UBIAD1: variants seen among roughly 807,000 people sequenced by gnomAD.
UBIAD1 encodes ubiA prenyltransferase domain-containing protein 1.
A neutral mutation model predicts 20.1 loss-of-function variants in UBIAD1; 12 were observed. That is an observed-to-expected ratio of 0.60 (90% CI 0.38 to 0.97). The LOEUF (loss-of-function observed/expected upper bound fraction) is 0.97, where lower values mean the gene tolerates loss of function less well. Ranked by LOEUF, UBIAD1 falls within the 50% of genes least tolerant of loss-of-function variation. The probability of loss-of-function intolerance (pLI) is 0.00; values close to 1 mark genes in which losing one functional copy is unlikely to be tolerated. For missense variants in UBIAD1, 333 were observed against 419.5 expected (o/e 0.79, Z 1.80); for synonymous variants, 207 against 189.2 (o/e 1.09, Z -0.77).
At position 11,285,860 on chromosome 1, in the gene UBIAD1, C is replaced by T; in HGVS notation, c.746C>T (p.Ala249Val). 1 of 1,614,198 alleles carries T rather than the reference C, an allele frequency of 6.2e-7. No homozygotes were observed. The highest frequency in any genetic ancestry group is 8.5e-7 in the Non-Finnish European group (1 of 1,180,040). The change falls in exon 2 of 2, where the codon GCC becomes GTC. Residue 249 changes from alanine to valine, a missense_variant. Ala to Val is a moderately conservative substitution (Grantham distance 64). This residue lies in a region of UBIAD1 where 226 missense variants were observed against 263.5 expected (regional missense o/e 0.86). Coordinates refer to ENST00000376810, the MANE Select transcript of UBIAD1 (RefSeq NM_013319.3). This position sits in a 1 kb window ranked among gnomAD's most constrained non-coding sequence, Gnocchi z 4.4. Reference sequence around the variant, plus strand: ...CGGGAGGCTGGTATCGTCACGCTGGCCATCCTCATCGGCCCCACGTTCTCC... The same window carrying T: ...CGGGAGGCTGGTATCGTCACGCTGGTCATCCTCATCGGCCCCACGTTCTCC... Reference protein sequence around the residue: ...SDREAGIVTLAILIGPTFSYI... With the variant: ...SDREAGIVTLVILIGPTFSYI...
At chr1:11,292,699 ACACACACACACACT>A (rs1196347728), downstream of UBIAD1, among the ~76,000 whole-genome samples, 10 of 150,842 alleles carry the variant, frequency 6.6e-5, no homozygotes, top group African/African-American at 2.0e-4. Context: ...ACACACACAC[ACACACACACACACT>A]CACAGAGTTG....
chr1:11,294,990 C>T (rs1638424643), exon 2 of UBIAD1: 1 of 715,922 alleles, frequency 1.4e-6, no homozygotes, highest in Admixed American at 2.0e-5. Flanking sequence ...GGCTGGCCAC[C>T]TTCGAGGAGA....
At position 11,273,669 on chromosome 1, in the gene UBIAD1, T is replaced by A; in HGVS notation, c.138T>A (p.Cys46Ter). Reference protein sequence around the residue: ...RLPQRSWRQKCASYVLALRPW... With the variant: ...RLPQRSWRQK The stretch of plus-strand genomic sequence containing the variant: ...CCCAGCGCTCCTGGAGGCAGAAGTG[T>A]GCCTCCTACGTGTTGGCCCTGAGGC... The change falls in exon 1 of 2, where the codon TGT becomes TGA. Residue 46 changes from cysteine (C) to a stop codon, truncating the protein, a stop_gained. Transcript: ENST00000376810. LOFTEE classifies it high-confidence loss of function. The surrounding 1 kb of genome is among the most constrained non-coding windows in gnomAD (Gnocchi z 4.9). The A allele has an allele frequency of 1.9e-6, 3 of 1,614,156 alleles. No individual in the cohort carries two copies. Among genetic ancestry groups the A allele is most frequent in the South Asian group, 2.2e-5 (2 of 91,088 alleles).
Position 11,273,678 on chromosome 1 carries a change from C to A in UBIAD1, c.147C>A (p.Tyr49Ter). The A allele has an allele frequency of 6.2e-7, 1 of 1,614,198 alleles. No homozygotes were observed. The highest frequency in any genetic ancestry group is 8.5e-7 in the Non-Finnish European group (1 of 1,180,032). The stretch of plus-strand genomic sequence containing the variant: ...CCTGGAGGCAGAAGTGTGCCTCCTA[C>A]GTGTTGGCCCTGAGGCCCTGGAGCT... ...QRSWRQKCAS[Y>*]VLALRPWSFS... Residue 49 changes from tyrosine (Y) to a stop codon, truncating the protein, a stop_gained, in exon 1 of 2, where the codon TAC becomes TAA. Coordinates refer to ENST00000376810, the MANE Select transcript of UBIAD1 (RefSeq NM_013319.3). LOFTEE classifies it high-confidence loss of function. This position sits in a 1 kb window ranked among gnomAD's most constrained non-coding sequence, Gnocchi z 4.9.
chr1:11,277,857 T>C (rs545930031), intron 1 of UBIAD1, among the ~76,000 whole-genome samples: 1 of 152,266 alleles, frequency 6.6e-6, no homozygotes, highest in African/African-American at 2.4e-5. Context: ...TTGGTCAGGC[T>C]GGTCTCAAAC....
intron 1 of UBIAD1, among the ~76,000 whole-genome samples, chr1:11,276,604 C>T (rs556900202): frequency 7.0e-4 from 104 of 148,518 alleles, no homozygotes; most frequent in African/African-American, 2.5e-3. Flanking sequence ...GCAGAGGTTG[C>T]AGTGAGCTGA....
At chr1:11,294,023 C>T (rs932882040) in intron 1 of UBIAD1, among the ~76,000 whole-genome samples, 77 of 152,162 alleles carry the variant, frequency 5.1e-4, no homozygotes, top group African/African-American at 1.7e-3. Context: ...ATTCCTGGCA[C>T]GTAGAAGTCT....
At position 11,286,370 on chromosome 1, in the gene UBIAD1, G is replaced by A. The variant is rs766089759; in HGVS notation, c.*239G>A. 245 of 572,202 alleles carry A rather than the reference G, an allele frequency of 4.3e-4. No homozygotes were observed. The highest frequency in any genetic ancestry group is 1.0e-3 in the Admixed American group (32 of 32,094). The allele number at this position is 572,202 out of a possible 1,614,324, so 35.4% of individuals were successfully genotyped here. A position where few individuals can be genotyped will look rare whatever the true frequency, so the allele number is the denominator to read the frequency against. ...GTATCAGAAGGTGAATTAGGCGCAT[G>A]GTCTTTGTTTTATTAATAATTTCCA... is the stretch of plus-strand genomic sequence containing the variant. On this transcript the variant is annotated 3_prime_UTR_variant, in exon 2 of 2. Transcript: ENST00000376810.
At chr1:11,297,069 A>G, downstream of UBIAD1, among the ~76,000 whole-genome samples, 1 of 152,248 alleles carries the variant, frequency 6.6e-6, no homozygotes, top group Non-Finnish European at 1.5e-5. Flanking sequence ...CTTATATGAT[A>G]GTAAGGGAGA....
chr1:11,281,494 A>G (rs28689712), intron 1 of UBIAD1, among the ~76,000 whole-genome samples: 8 of 152,340 alleles, frequency 5.3e-5, no homozygotes, highest in Non-Finnish European at 1.2e-4. Context: ...ACAAATGGGA[A>G]GGCATTGAAA....
intron 1 of UBIAD1, among the ~76,000 whole-genome samples, chr1:11,282,274 G>T (rs565630295): frequency 1.3e-5 from 2 of 152,312 alleles, no homozygotes; most frequent in African/African-American, 4.8e-5. Flanking sequence ...CATTCTGGCT[G>T]CCGTGTGGAG....
downstream of UBIAD1, among the ~76,000 whole-genome samples, chr1:11,293,260 C>T (rs1260994935): frequency 2.6e-5 from 4 of 152,142 alleles, no homozygotes; most frequent in South Asian, 2.1e-4. Context: ...CTCCAAATTC[C>T]GCACTCCCAC....
In UBIAD1 at chr1:11,273,876, G is replaced by C. The variant is rs750148638; in HGVS notation, c.345G>C (p.Lys115Asn). The C allele has an allele frequency of 1.2e-6, 2 of 1,614,228 alleles. No individual in the cohort carries two copies. The highest frequency in any genetic ancestry group is 1.7e-5 in the Admixed American group (1 of 60,022). The change falls in exon 1 of 2, where the codon AAG becomes AAC. Residue 115 changes from lysine to asparagine, a missense_variant. Transcript: ENST00000376810. The surrounding 1 kb of genome is among the most constrained non-coding windows in gnomAD (Gnocchi z 4.9). ...YDFSKGIDHKKSDDRTLVDRI... is the reference protein window; with the variant it reads ...YDFSKGIDHKNSDDRTLVDRI... ...TTTCCAAGGGCATTGACCACAAAAA[G>C]AGTGATGACAGGACACTTGTGGACC...
Position 11,285,366 on chromosome 1 carries a change from A to G in UBIAD1, c.530-278A>G, listed in dbSNP as rs1197110070. The stretch of plus-strand genomic sequence containing the variant: ...GAGTATAGTGGGTGCCTAGTGTGCT[A>G]TGTTGCAGAGCTCTGTTGGGGGACA... On this transcript the variant is annotated intron_variant, in intron 1 of 1. Transcript: ENST00000376810. This position sits in a 1 kb window ranked among gnomAD's most constrained non-coding sequence, Gnocchi z 4.4. Among the ~76,000 whole-genome samples, 1 of 152,052 alleles carries G rather than the reference A, an allele frequency of 6.6e-6. No homozygotes were observed. Among genetic ancestry groups the G allele is most frequent in the African/African-American group, 2.4e-5 (1 of 41,392 alleles).
At chr1:11,295,501 A>G (rs953040366), downstream of UBIAD1, 5 of 144,978 alleles carry the variant, frequency 3.4e-5, no homozygotes, top group Non-Finnish European at 7.3e-5. Context: ...AGAAACAAAC[A>G]AGAGAGAATG....
intron 1 of UBIAD1, among the ~76,000 whole-genome samples, chr1:11,283,600 G>A (rs940516816): frequency 6.6e-6 from 1 of 152,052 alleles, no homozygotes; most frequent in African/African-American, 2.4e-5. Context: ...GAGTGTCAGT[G>A]GCCATGCCTT....
downstream of UBIAD1, chr1:11,288,468 A>G (rs961369621): frequency 4.6e-5 from 7 of 152,164 alleles, no homozygotes; most frequent in Non-Finnish European, 1.0e-4. Context: ...TGCTTTCCTC[A>G]TACTTACTGT....
chr1:11,278,690 T>C lies in UBIAD1; in HGVS notation c.529+4630T>C, dbSNP rs2101017554. ...GGACATCATTAGACGTCTTAGCTCC[T>C]GAAGTACAACTTTAATGCTATATGA... On this transcript the variant is annotated intron_variant, in intron 1 of 1. Coordinates refer to ENST00000376810, the MANE Select transcript of UBIAD1 (RefSeq NM_013319.3). The C allele has an allele frequency of 3.0e-6, 4 of 1,319,808 alleles. No homozygotes were observed. In the East Asian group the frequency reaches 1.0e-4, roughly 34 times the overall value. The allele number at this position is 1,319,808 out of a possible 1,614,324, so 81.8% of individuals were successfully genotyped here. A position where few individuals can be genotyped will look rare whatever the true frequency, so the allele number is the denominator to read the frequency against.
intron 1 of UBIAD1, among the ~76,000 whole-genome samples, chr1:11,284,723 C>T (rs1248672298): frequency 6.6e-6 from 1 of 152,204 alleles, no homozygotes; most frequent in Non-Finnish European, 1.5e-5. Flanking sequence ...CTTGGCCTCC[C>T]AGAGTGCTGG....
Sources: gnomAD v4.1 joint callset for allele counts (sites outside exome capture counted in the v4.1 genomes callset) on GRCh38, gnomAD v4.1.1 for gene constraint, gnomAD v4.1.1 regional missense constraint, Gnocchi (gnomAD v3.1) non-coding constraint, MANE v1.5 for transcripts, NCBI Gene and HGNC (gene_info 2026-07-23, HGNC 2026-07-21) for gene names.